Variants in CEACAM4 observed in about 807,000 individuals in gnomAD.
The protein encoded by CEACAM4 is cell adhesion molecule CEACAM4.
A neutral mutation model predicts 28.7 loss-of-function variants in CEACAM4; 30 were observed. The observed-to-expected ratio is 1.05, with a 90% CI of 0.78 to 1.42. CEACAM4 has a LOEUF of 1.42. CEACAM4 is among the 40% of genes most tolerant of loss of function. The pLI, the probability that CEACAM4 is intolerant of heterozygous loss-of-function variation, is 0.00. For synonymous variants in CEACAM4, 143 were observed against 126.5 expected (o/e 1.13, Z -0.87); for missense variants, 330 against 308.2 (o/e 1.07, Z -0.53).
chr19:41,622,853 TATAGATAGATAG>T lies in CEACAM4; in HGVS notation c.425-1097_425-1086del, dbSNP rs1288831230. ...GATCTCTAGCATATATATACATATA[TATAGATAGATAG>T]ATAGATAGATAGATAGATAGATAGA... On this transcript the variant is annotated intron_variant, in intron 2 of 6. Transcript: ENST00000221954. 7.3e-3 allele frequency among the ~76,000 whole-genome samples: 971 copies of T among 132,326 alleles called. 13 individuals carry two copies. Among genetic ancestry groups the T allele is most frequent in the African/African-American group, 0.026 (846 of 32,324 alleles). 86.8% of individuals were successfully genotyped at this position (132,326 alleles called of 152,430 possible).
Position 41,626,063 on chromosome 19 carries a change from A to AGTGTGT in CEACAM4, c.65-109_65-104dup, listed in dbSNP as rs61710351. 1,550 of 652,886 alleles carry AGTGTGT rather than the reference A, an allele frequency of 2.4e-3. 12 individuals carry two copies. Among genetic ancestry groups the AGTGTGT allele is most frequent in the African/African-American group, 5.9e-3 (246 of 41,420 alleles). 40.4% of individuals were successfully genotyped at this position (652,886 alleles called of 1,614,324 possible). A position where few individuals can be genotyped will look rare whatever the true frequency, so the allele number is the denominator to read the frequency against. ...AGGTCTCCTCATCCCTCAGCCTTGG[A>AGTGTGT]GTGTGTGTGTGTGTGTGTGTGTGTG... is the stretch of plus-strand genomic sequence containing the variant. On this transcript the variant is annotated intron_variant, in intron 1 of 6. Coordinates refer to ENST00000221954, the MANE Select transcript of CEACAM4 (RefSeq NM_001817.4).
chr19:41,621,044 A>G (rs1329175014), intron 3 of CEACAM4, among the ~76,000 whole-genome samples: 2 of 152,100 alleles, frequency 1.3e-5, no homozygotes, highest in African/African-American at 4.8e-5. Flanking sequence ...CCCAGAACTC[A>G]GTATCCCTGC....
intron 2 of CEACAM4, among the ~76,000 whole-genome samples, chr19:41,622,398 C>G (rs555997204): frequency 2.2e-4 from 34 of 152,248 alleles, no homozygotes; most frequent in Middle Eastern, 6.8e-3. Context: ...TTCTTCTTTT[C>G]CATTCCATGA....
rs781909625 is a variant in CEACAM4 at position 41,621,689 on chromosome 19, G to A, written c.504C>T (p.Ala168=). Residue 168 remains alanine (A), a synonymous_variant, in exon 3 of 7, where the codon GCC becomes GCT. Transcript: ENST00000221954. ...TGVLVGVALV[A]ALVCFLLLSR... is the part of the protein sequence containing the mutation. ...AGAGAAGCAGAAAACACACCAGGGC[G>A]GCCACCAGAGCCACCCCAACCAGGA... 6.8e-6 allele frequency: 11 copies of A among 1,611,522 alleles called. No homozygotes were observed. Among genetic ancestry groups the A allele is most frequent in the Admixed American group, 6.7e-5 (4 of 59,984 alleles).
At chr19:41,615,982 A>G (rs2070978182), downstream of CEACAM4, among the ~76,000 whole-genome samples, 1 of 152,096 alleles carries the variant, frequency 6.6e-6, no homozygotes, top group Non-Finnish European at 1.5e-5. Flanking sequence ...GTGGCCTAGA[A>G]CATTCCTTTT....
At chr19:41,615,211 G>A (rs530099386), downstream of CEACAM4, among the ~76,000 whole-genome samples, 6 of 152,126 alleles carry the variant, frequency 3.9e-5, no homozygotes, top group South Asian at 4.2e-4. Context: ...GAGTGGGGCC[G>A]CAAGTGGCAC....
At chr19:41,615,666 T>C (rs2070974985), downstream of CEACAM4, among the ~76,000 whole-genome samples, 1 of 151,946 alleles carries the variant, frequency 6.6e-6, no homozygotes, top group African/African-American at 2.4e-5. Flanking sequence ...CCAGGAGAGA[T>C]GACAAGGGTG....
Position 41,627,004 on chromosome 19 carries a change from G to A in CEACAM4, c.-41C>T, listed in dbSNP as rs1555804614. ...CTTGTCCTCTGTGGAGAGGAGCTGGGCTCCAGGAACGCTCTTGTCAGAGCT... is the reference window on the plus strand; with the variant it reads ...CTTGTCCTCTGTGGAGAGGAGCTGGACTCCAGGAACGCTCTTGTCAGAGCT... On this transcript the variant is annotated 5_prime_UTR_variant, in exon 1 of 7. Coordinates refer to ENST00000221954, the MANE Select transcript of CEACAM4 (RefSeq NM_001817.4). 1 of 1,551,060 alleles carries A rather than the reference G, an allele frequency of 6.4e-7. No homozygotes were observed. The highest frequency in any genetic ancestry group is 8.8e-7 in the Non-Finnish European group (1 of 1,142,674).
rs938304765 is a variant in CEACAM4, at chr19:41,620,300, C to A, written c.596-58G>T. ...GGGAGGAGAGCCTGGGCCCCTCCTGCAGGAGAGTGTAGGGGTCCTCAGCTC... is the reference window on the plus strand; with the variant it reads ...GGGAGGAGAGCCTGGGCCCCTCCTGAAGGAGAGTGTAGGGGTCCTCAGCTC... On this transcript the variant is annotated intron_variant, in intron 4 of 6. Coordinates refer to ENST00000221954, the MANE Select transcript of CEACAM4 (RefSeq NM_001817.4). 7.2e-6 allele frequency: 10 copies of A among 1,384,642 alleles called. No homozygotes were observed. The South Asian group carries it at 8.2e-5, about 11-fold the overall frequency. The allele number at this position is 1,384,642 out of a possible 1,614,324, so 85.8% of individuals were successfully genotyped here.
At chr19:41,621,271 AC>A (rs1161928325) in intron 3 of CEACAM4, among the ~76,000 whole-genome samples, 2 of 151,784 alleles carry the variant, frequency 1.3e-5, no homozygotes, top group East Asian at 3.9e-4. Context: ...CATGCCCAGG[AC>A]CCCCACCATG....
intron 2 of CEACAM4, among the ~76,000 whole-genome samples, chr19:41,623,495 G>A (rs2122558579): frequency 6.8e-6 from 1 of 148,098 alleles, no homozygotes; most frequent in African/African-American, 2.5e-5. Flanking sequence ...GATGTACTGG[G>A]CAACAGGAAC....
chr19:41,620,064 C>G, intron 5 of CEACAM4, 147 bp downstream of exon 5: 1 of 738,188 alleles, frequency 1.4e-6, no homozygotes, highest in South Asian at 2.2e-5. Context: ...TAGAGAGGCC[C>G]GGATCCTGGC....
chr19:41,624,714 T>C (rs1972190384), intron 2 of CEACAM4, among the ~76,000 whole-genome samples: 2 of 152,156 alleles, frequency 1.3e-5, no homozygotes, highest in Non-Finnish European at 2.9e-5. Flanking sequence ...CCGTGGCCGG[T>C]GTCTGTATCT....
At chr19:41,614,048 T>G (rs1364869468), downstream of CEACAM4, among the ~76,000 whole-genome samples, 1 of 152,250 alleles carries the variant, frequency 6.6e-6, no homozygotes, top group African/African-American at 2.4e-5. Context: ...AGGTGCAGCA[T>G]GTATGGAGGG....
intron 2 of CEACAM4, among the ~76,000 whole-genome samples, chr19:41,622,735 C>A (rs782761722): frequency 9.2e-5 from 14 of 152,250 alleles, no homozygotes; most frequent in Non-Finnish European, 1.6e-4. Context: ...ATCAGTTGAG[C>A]TCTCGCCCTG....
intron 4 of CEACAM4, 145 bp downstream of exon 4, chr19:41,620,430 A>C (rs1207322116): frequency 3.5e-6 from 3 of 853,672 alleles, no homozygotes; most frequent in Non-Finnish European, 5.4e-6. Flanking sequence ...TGAACAAGAC[A>C]GTCGGGGTCC....
Position 41,625,676 on chromosome 19 carries a change from CG to C in CEACAM4, c.348del (p.Asp116GlufsTer10). ...SLLFQNITLE[D>X]AGSYTLRTIN... Reference sequence around the variant, plus strand: ...ATGGTTCGTAGGGTGTAGGATCCTGCGTCCTCCAGGGTGATGTTTTGGAACA... The same window carrying C: ...ATGGTTCGTAGGGTGTAGGATCCTGCTCCTCCAGGGTGATGTTTTGGAACA... On this transcript the variant is annotated frameshift_variant, in exon 2 of 7. Transcript: ENST00000221954. LOFTEE classifies it high-confidence loss of function. 2 of 1,612,910 alleles carry C rather than the reference CG, an allele frequency of 1.2e-6. No homozygotes were observed. Among genetic ancestry groups the C allele is most frequent in the Non-Finnish European group, 1.7e-6 (2 of 1,179,344 alleles).
downstream of CEACAM4, among the ~76,000 whole-genome samples, chr19:41,615,362 G>A (rs981808498): frequency 5.9e-5 from 9 of 152,050 alleles, no homozygotes; most frequent in African/African-American, 1.9e-4. Context: ...CTAGGGGTGG[G>A]AGGAGAGGGA....
chr19:41,623,419 ATTTT>A (rs57004828), intron 2 of CEACAM4, among the ~76,000 whole-genome samples: 6,579 of 104,818 alleles, frequency 0.063, 188 homozygotes, highest in African/African-American at 0.12. Flanking sequence ...TTCGAACTGC[ATTTT>A]TTTTTTTTTT....
Sources: gnomAD v4.1 joint callset for allele counts (sites outside exome capture counted in the v4.1 genomes callset) on GRCh38, gnomAD v4.1.1 for gene constraint, MANE v1.5 for transcripts, NCBI Gene and HGNC (gene_info 2026-07-23, HGNC 2026-07-21) for gene names.